The following HS3ST5 variants were observed in gnomAD, a reference collection of about 807,000 sequenced individuals.
HS3ST5 encodes the protein heparan sulfate glucosamine 3-O-sulfotransferase 5.
HS3ST5 carries 10 observed loss-of-function variants against 25.4 expected under a neutral mutation model. That is an observed-to-expected ratio of 0.39 (90% confidence interval 0.24 to 0.67). The LOEUF (loss-of-function observed/expected upper bound fraction) is 0.67, where lower values mean the gene tolerates loss of function less well. Ranked by LOEUF, HS3ST5 falls within the 30% of genes least tolerant of loss-of-function variation. The pLI is 0.44. For missense variants in HS3ST5, 324 were observed against 420.7 expected, an observed-to-expected ratio of 0.77 and a Z score of 2.01; for synonymous variants, 170 against 162.4, an observed-to-expected ratio of 1.05 and a Z score of -0.36.
At chr6:114,184,827 C>T (rs1199510610) in intron 2 of HS3ST5, among the ~76,000 whole-genome samples, 1 of 152,188 alleles carries the variant, frequency 6.6e-6, no homozygotes. Flanking sequence ...TATTCTCCAG[C>T]CTTAAAGTCT....
chr6:114,285,271 C>A (rs76586275), intron 1 of HS3ST5, among the ~76,000 whole-genome samples: 83 of 151,984 alleles, frequency 5.5e-4, no homozygotes, highest in Non-Finnish European at 9.6e-4. Context: ...AAGGGAGCAA[C>A]ATACACTGGG....
At chr6:114,065,992 T>A (rs753510462) in intron 3 of HS3ST5, among the ~76,000 whole-genome samples, 3 of 152,224 alleles carry the variant, frequency 2.0e-5, no homozygotes, top group Non-Finnish European at 4.4e-5. Context: ...AGGTCTGGGC[T>A]ATATCACAGT....
At chr6:114,188,805 C>CTAT (rs1338995232) in intron 2 of HS3ST5, among the ~76,000 whole-genome samples, 1 of 152,092 alleles carries the variant, frequency 6.6e-6, no homozygotes, top group Non-Finnish European at 1.5e-5. Context: ...ATTATTATAA[C>CTAT]TATTATTATT....
intron 1 of HS3ST5, among the ~76,000 whole-genome samples, chr6:114,234,707 T>A (rs541042109): frequency 8.5e-5 from 13 of 152,350 alleles, no homozygotes; most frequent in African/African-American, 3.1e-4. Context: ...AAAAGCAAAT[T>A]TTCATGTGTA....
At chr6:114,196,881 A>AG (rs1469420926) in intron 2 of HS3ST5, among the ~76,000 whole-genome samples, 1 of 151,410 alleles carries the variant, frequency 6.6e-6, no homozygotes, top group East Asian at 1.9e-4. Flanking sequence ...TAAATGGAAA[A>AG]AAAAATAAAC....
intron 3 of HS3ST5, among the ~76,000 whole-genome samples, chr6:114,109,127 C>T (rs966657666): frequency 6.6e-6 from 1 of 151,994 alleles, no homozygotes; most frequent in Admixed American, 6.5e-5. Flanking sequence ...TGTGCCACTG[C>T]ACTCCAGCCT....
intron 1 of HS3ST5, among the ~76,000 whole-genome samples, chr6:114,240,676 T>A (rs895960955): frequency 1.3e-5 from 2 of 152,158 alleles, no homozygotes; most frequent in Admixed American, 6.5e-5. Flanking sequence ...TCTATGTAAT[T>A]AAAGTCATTT....
chr6:114,195,104 G>A (rs1321813132), intron 2 of HS3ST5, among the ~76,000 whole-genome samples: 1 of 152,158 alleles, frequency 6.6e-6, no homozygotes, highest in African/African-American at 2.4e-5. Flanking sequence ...CACTTTACCC[G>A]AGAGTTTCAA....
At chr6:114,073,349 C>T (rs1163741474) in intron 3 of HS3ST5, among the ~76,000 whole-genome samples, 3 of 152,134 alleles carry the variant, frequency 2.0e-5, no homozygotes, top group South Asian at 2.1e-4. Flanking sequence ...TCAGAGTGAA[C>T]AGGCAACCTA....
chr6:114,315,555 A>G (rs1265389775), intron 1 of HS3ST5, among the ~76,000 whole-genome samples: 6 of 152,184 alleles, frequency 3.9e-5, no homozygotes, highest in Non-Finnish European at 7.4e-5. Context: ...TAGCACACAT[A>G]TTTTATTACA....
chr6:114,185,850 T>A (rs1035881179), intron 2 of HS3ST5, among the ~76,000 whole-genome samples: 3 of 152,012 alleles, frequency 2.0e-5, no homozygotes, highest in Non-Finnish European at 4.4e-5. Context: ...GAGATTCTTC[T>A]GCTTCAGCCT....
At chr6:114,102,094 C>A (rs1775764933) in intron 3 of HS3ST5, among the ~76,000 whole-genome samples, 1 of 152,184 alleles carries the variant, frequency 6.6e-6, no homozygotes, top group Non-Finnish European at 1.5e-5. Context: ...AACTACCTAT[C>A]AGGTACTATA....
intron 1 of HS3ST5, among the ~76,000 whole-genome samples, chr6:114,233,462 A>G (rs1195524670): frequency 6.6e-5 from 10 of 152,102 alleles, no homozygotes; most frequent in Non-Finnish European, 1.3e-4. Flanking sequence ...TACTCTGCCA[A>G]AAAAAGGTAG....
At chr6:114,191,704 G>A (rs191574240) in intron 2 of HS3ST5, among the ~76,000 whole-genome samples, 1 of 152,210 alleles carries the variant, frequency 6.6e-6, no homozygotes, top group Admixed American at 6.5e-5. Flanking sequence ...AGTTACTCTG[G>A]GCTGTGTGTG....
chr6:114,297,222 T>C (rs1383540655), intron 1 of HS3ST5, among the ~76,000 whole-genome samples: 2 of 151,842 alleles, frequency 1.3e-5, no homozygotes, highest in African/African-American at 2.4e-5. Flanking sequence ...TTTTTAGATA[T>C]ACACCGGACC....
intron 1 of HS3ST5, among the ~76,000 whole-genome samples, chr6:114,274,450 CACATA>C (rs1386283283): frequency 7.9e-5 from 12 of 151,938 alleles, no homozygotes; most frequent in Non-Finnish European, 1.8e-4. Context: ...GAGCAGGCCT[CACATA>C]AACTAGGAGT....
At chr6:114,130,859 G>A (rs1304921061) in intron 3 of HS3ST5, among the ~76,000 whole-genome samples, 2 of 152,076 alleles carry the variant, frequency 1.3e-5, no homozygotes, top group Admixed American at 6.5e-5. Context: ...GTGAGCCACC[G>A]TGCCCAGCCA....
At chr6:114,231,239 T>C (rs1243340538) in intron 1 of HS3ST5, 1 of 152,194 alleles carries the variant, frequency 6.6e-6, no homozygotes, top group Non-Finnish European at 1.5e-5. Context: ...GCTCTCATTT[T>C]GTAAATAGCA....
intron 1 of HS3ST5, among the ~76,000 whole-genome samples, chr6:114,307,623 T>C (rs1246666306): frequency 6.6e-6 from 1 of 152,090 alleles, no homozygotes; most frequent in Non-Finnish European, 1.5e-5. Flanking sequence ...TTTTGACTTA[T>C]CTCTTTGTAA....
Sources: gnomAD v4.1 joint callset for allele counts (sites outside exome capture counted in the v4.1 genomes callset) on GRCh38, gnomAD v4.1.1 for gene constraint, MANE v1.5 for transcripts, NCBI Gene and HGNC (gene_info 2026-07-23, HGNC 2026-07-21) for gene names.